ITGAV: variants seen among roughly 807,000 people sequenced by gnomAD.
The protein encoded by ITGAV is integrin subunit alpha V, also known as integrin alpha-V.
In ITGAV, 76 loss-of-function variants were observed where a neutral mutation model predicts 143.8. The ratio of observed to expected loss-of-function variants is 0.53; its 90% CI spans 0.44 to 0.64. The LOEUF is 0.64. ITGAV is among the 30% of genes least tolerant of loss of function. ITGAV has a pLI of 0.00. For synonymous variants in ITGAV, 453 were observed against 446.7 expected (o/e 1.01, Z -0.18); for missense variants, 1,193 against 1,274.7 (o/e 0.94, Z 0.98).
chr2:186,612,255 T>G (rs893564991), intron 2 of ITGAV, among the ~76,000 whole-genome samples: 1 of 151,282 alleles, frequency 6.6e-6, no homozygotes, highest in East Asian at 1.9e-4. Flanking sequence ...TAGTAATGTG[T>G]TTTTTTTTCC....
intron 5 of ITGAV, among the ~76,000 whole-genome samples, chr2:186,631,408 G>C (rs1687811134): frequency 6.6e-6 from 1 of 152,116 alleles, no homozygotes; most frequent in Non-Finnish European, 1.5e-5. Context: ...CTTCAGAATT[G>C]ATATTTTTAA....
chr2:186,625,338 C>T, intron 3 of ITGAV, 135 bp from the exon 4 acceptor site: 2 of 627,328 alleles, frequency 3.2e-6, no homozygotes, highest in Non-Finnish European at 5.7e-6. Flanking sequence ...CGTCACTGCA[C>T]TCCAGCCTGG....
At chr2:186,610,797 C>G (rs181220130) in intron 2 of ITGAV, among the ~76,000 whole-genome samples, 241 of 152,224 alleles carry the variant, frequency 1.6e-3, no homozygotes, top group Non-Finnish European at 2.7e-3. Context: ...GATTAATGAT[C>G]TATGTATTTT....
chr2:186,657,782 A>AG (rs1482945441), intron 17 of ITGAV, among the ~76,000 whole-genome samples: 1 of 152,232 alleles, frequency 6.6e-6, no homozygotes, highest in Middle Eastern at 3.4e-3. Flanking sequence ...TCTTAGAAAA[A>AG]CAATACAACT....
At chr2:186,609,453 T>C (rs1687155845) in intron 2 of ITGAV, among the ~76,000 whole-genome samples, 1 of 152,176 alleles carries the variant, frequency 6.6e-6, no homozygotes, top group Admixed American at 6.5e-5. Context: ...TGTGCTTTCC[T>C]ATCCTGTAAC....
At chr2:186,668,695 T>A (rs1688981223) in intron 24 of ITGAV, 67 bp from the exon 25 acceptor site, 6 of 1,362,578 alleles carry the variant, frequency 4.4e-6, no homozygotes, top group Non-Finnish European at 6.2e-6. Context: ...CTAAAGTTGA[T>A]GTAGGGGAAG....
chr2:186,599,479 A>T (rs1686837456), intron 1 of ITGAV, among the ~76,000 whole-genome samples: 1 of 152,136 alleles, frequency 6.6e-6, no homozygotes, highest in Admixed American at 6.5e-5. Flanking sequence ...GTTTTTCTGT[A>T]AATACTAATT....
In ITGAV at chr2:186,633,361, C is replaced by T; in HGVS notation, c.618C>T (p.Ser206=). ...GAGTACTTCTTGGTGGTCCTGGTAGCTTTTATTGGCAAGGTAGGTTAATAT... is the reference window on the plus strand; with the variant it reads ...GAGTACTTCTTGGTGGTCCTGGTAGTTTTTATTGGCAAGGTAGGTTAATAT... The part of the protein sequence containing the change: ...ADRVLLGGPG[S]FYWQGQLISD... The change falls in exon 6 of 30, where the codon AGC becomes AGT. Residue 206 remains serine, a synonymous_variant. Coordinates refer to ENST00000261023, the MANE Select transcript of ITGAV (RefSeq NM_002210.5). 2 of 1,582,888 alleles carry T rather than the reference C, an allele frequency of 1.3e-6. No individual in the cohort carries two copies. Among genetic ancestry groups the T allele is most frequent in the East Asian group, 2.3e-5 (1 of 44,416 alleles).
At chr2:186,629,623 G>A (rs1172726368) in intron 4 of ITGAV, among the ~76,000 whole-genome samples, 1 of 151,860 alleles carries the variant, frequency 6.6e-6, no homozygotes, top group Non-Finnish European at 1.5e-5. Context: ...TAATCTTTGG[G>A]CAGTTTCCAG....
Position 186,652,107 on chromosome 2 carries a change from A to G in ITGAV, c.1505+18A>G. ...GTTTCCTGGTAAGGGTATTTGTTTA[A>G]TAATAGTTATTATTGTGATTATTGT... On this transcript the variant is annotated intron_variant, in intron 15 of 29. Transcript: ENST00000261023. The G allele has an allele frequency of 3.6e-6, 5 of 1,387,956 alleles. No homozygotes were observed. Among genetic ancestry groups the G allele is most frequent in the Non-Finnish European group, 4.1e-6 (4 of 976,940 alleles). The allele number at this position is 1,387,956 out of a possible 1,614,324, so 86.0% of individuals were successfully genotyped here.
At chr2:186,628,483 T>C (rs930773513) in intron 4 of ITGAV, among the ~76,000 whole-genome samples, 23 of 152,016 alleles carry the variant, frequency 1.5e-4, no homozygotes, top group Non-Finnish European at 4.4e-5. Context: ...CCTCAGACCT[T>C]AGGAGAAGAG....
At position 186,622,389 on chromosome 2, in the gene ITGAV, T is replaced by G. The variant is rs957951974; in HGVS notation, c.367T>G (p.Trp123Gly). 5.0e-6 allele frequency: 8 copies of G among 1,613,788 alleles called. No homozygotes were observed. Among genetic ancestry groups the G allele is most frequent in the Non-Finnish European group, 4.2e-6 (5 of 1,179,756 alleles). The change falls in exon 3 of 30, where the codon TGG (tryptophan) becomes GGG (glycine). Residue 123 changes from tryptophan (W) to glycine (G), a missense_variant. Trp to Gly is a radical substitution (Grantham distance 184). Coordinates refer to ENST00000261023, the MANE Select transcript of ITGAV (RefSeq NM_002210.5). ...DDPLEFKSHQWFGASVRSKQD... is the reference protein window; with the variant it reads ...DDPLEFKSHQGFGASVRSKQD... ...TCCATTGGAATTTAAGTCCCATCAGTGGTTTGGAGCATCTGTGAGGTCGAA... is the reference window on the plus strand; with the variant it reads ...TCCATTGGAATTTAAGTCCCATCAGGGGTTTGGAGCATCTGTGAGGTCGAA...
At chr2:186,654,788 T>C in intron 16 of ITGAV, 80 bp downstream of exon 16, 1 of 642,370 alleles carries the variant, frequency 1.6e-6, no homozygotes, top group Admixed American at 2.7e-5. Flanking sequence ...GATATTCAAA[T>C]AGTTACTTGA....
intron 18 of ITGAV, among the ~76,000 whole-genome samples, chr2:186,659,872 A>G (rs555138562): frequency 1.3e-5 from 2 of 151,660 alleles, no homozygotes; most frequent in Admixed American, 1.3e-4. Flanking sequence ...TTTATATTTT[A>G]ACAATTTCAT....
intron 3 of ITGAV, among the ~76,000 whole-genome samples, chr2:186,624,525 A>G (rs779795278): frequency 7.2e-5 from 11 of 152,196 alleles, no homozygotes; most frequent in Non-Finnish European, 1.5e-4. Context: ...AGTAGCTGCT[A>G]TGACCTACTT....
intron 1 of ITGAV, among the ~76,000 whole-genome samples, chr2:186,595,547 C>G (rs1385753505): frequency 1.3e-5 from 2 of 152,008 alleles, no homozygotes; most frequent in East Asian, 3.8e-4. Context: ...TTCCTTTCCT[C>G]TATCTCTTTT....
At chr2:186,651,953 A>T in intron 14 of ITGAV, 29 bp from the exon 15 acceptor site, 1 of 1,294,544 alleles carries the variant, frequency 7.7e-7, no homozygotes, top group Non-Finnish European at 1.1e-6. Context: ...ATAATTTTTT[A>T]CTTCATCTTC....
At chr2:186,596,851 G>T (rs1366708406) in intron 1 of ITGAV, among the ~76,000 whole-genome samples, 1 of 151,898 alleles carries the variant, frequency 6.6e-6, no homozygotes, top group African/African-American at 2.4e-5. Context: ...TCTCTTCATT[G>T]TTCTCTTTAA....
At position 186,646,843 on chromosome 2, in the gene ITGAV, A is replaced by C; in HGVS notation, c.1317A>C (p.Lys439Asn). ...SMPPSFGYSM[K>N]GATDIDKNGY... ...CACCAAGCTTTGGCTATTCAATGAA[A>C]GGAGCCACAGATATAGACAAAAATG... Residue 439 changes from lysine to asparagine, a missense_variant, in exon 13 of 30, where the codon AAA becomes AAC. Physicochemically the swap from Lys to Asn is moderately conservative, Grantham distance 94. Transcript: ENST00000261023. 6.2e-7 allele frequency: 1 copy of C among 1,606,422 alleles called. No homozygotes were observed. The highest frequency in any genetic ancestry group is 8.5e-7 in the Non-Finnish European group (1 of 1,174,782).
Sources: allele counts gnomAD v4.1 joint callset (sites outside exome capture counted in the v4.1 genomes callset), GRCh38; gene constraint gnomAD v4.1.1; transcripts MANE v1.5; gene names NCBI Gene and HGNC (gene_info 2026-07-23, HGNC 2026-07-21).